The following CTDSPL variants were observed in gnomAD, a reference collection of about 807,000 sequenced individuals.
CTDSPL encodes the protein CTD small phosphatase like.
CTDSPL carries 8 observed loss-of-function variants against 30.5 expected under a neutral mutation model. The observed-to-expected ratio is 0.26, with a 90% CI of 0.15 to 0.47. The LOEUF (loss-of-function observed/expected upper bound fraction) is 0.47. Ranked by LOEUF, CTDSPL falls within the 20% of genes least tolerant of loss-of-function variation. The pLI is 0.99. For missense variants in CTDSPL, 248 were observed against 366.1 expected (o/e 0.68, Z 2.63); for synonymous variants, 110 against 137.9 (o/e 0.80, Z 1.42).
At chr3:37,950,737 G>A (rs1195922717) in intron 2 of CTDSPL, among the ~76,000 whole-genome samples, 2 of 152,294 alleles carry the variant, frequency 1.3e-5, no homozygotes, top group Non-Finnish European at 2.9e-5. Context: ...GTCGACAGCA[G>A]GATTAGTAGA....
chr3:37,875,676 C>A (rs763086985), intron 1 of CTDSPL, among the ~76,000 whole-genome samples: 2 of 152,206 alleles, frequency 1.3e-5, no homozygotes, highest in African/African-American at 2.4e-5. Flanking sequence ...ATCTGGCTCC[C>A]TTATGTACAA....
At chr3:37,934,192 T>C (rs1013071983) in intron 1 of CTDSPL, among the ~76,000 whole-genome samples, 1 of 152,070 alleles carries the variant, frequency 6.6e-6, no homozygotes, top group African/African-American at 2.4e-5. Flanking sequence ...CCAGGAACAG[T>C]GTCATATGCC....
intron 1 of CTDSPL, among the ~76,000 whole-genome samples, chr3:37,933,670 A>G (rs1419832352): frequency 6.6e-6 from 1 of 152,240 alleles, no homozygotes; most frequent in Non-Finnish European, 1.5e-5. Context: ...TTCTTCATCT[A>G]TAAAATGGAT....
intron 3 of CTDSPL, among the ~76,000 whole-genome samples, chr3:37,963,225 T>C (rs1313903904): frequency 6.6e-6 from 1 of 152,188 alleles, no homozygotes; most frequent in Non-Finnish European, 1.5e-5. Context: ...GAGTTAGAAA[T>C]GCTTATGTCT....
At chr3:37,895,021 A>G (rs370174698) in intron 1 of CTDSPL, among the ~76,000 whole-genome samples, 2 of 152,282 alleles carry the variant, frequency 1.3e-5, no homozygotes, top group East Asian at 1.9e-4. Context: ...TGCACCGTCT[A>G]GGTTATCTTG....
At chr3:37,890,708 C>T (rs1424230329) in intron 1 of CTDSPL, among the ~76,000 whole-genome samples, 2 of 152,164 alleles carry the variant, frequency 1.3e-5, no homozygotes, top group South Asian at 4.1e-4. Context: ...ATCCAGGCTC[C>T]GTGCTCTGAG....
At chr3:37,868,788 A>G (rs1439730792) in intron 1 of CTDSPL, among the ~76,000 whole-genome samples, 1 of 152,132 alleles carries the variant, frequency 6.6e-6, no homozygotes, top group African/African-American at 2.4e-5. Context: ...TGCCTATACT[A>G]TATAATCTTG....
Position 37,981,446 on chromosome 3 carries a change from C to T in CTDSPL, c.*579C>T, listed in dbSNP as rs1252795310. Reference sequence around the variant, plus strand: ...GAGGGAGGGGAGTGAGTCACAGGAGCCTGTCCCCCAACAGGTGTGACTGCT... The same window carrying T: ...GAGGGAGGGGAGTGAGTCACAGGAGTCTGTCCCCCAACAGGTGTGACTGCT... On this transcript the variant is annotated 3_prime_UTR_variant, in exon 8 of 8. Transcript: ENST00000273179. The T allele has an allele frequency of 2.2e-5, 4 of 179,946 alleles. No individual in the cohort carries two copies. In the East Asian group the frequency reaches 4.9e-4, roughly 22 times the overall value. The allele number at this position is 179,946 out of a possible 1,614,324, so 11.1% of individuals were successfully genotyped here.
intron 1 of CTDSPL, among the ~76,000 whole-genome samples, chr3:37,863,151 A>G (rs1440474021): frequency 6.6e-6 from 1 of 152,166 alleles, no homozygotes; most frequent in Non-Finnish European, 1.5e-5. Context: ...TCTCCGGGCC[A>G]CCAGCATGTT....
intron 1 of CTDSPL, among the ~76,000 whole-genome samples, chr3:37,863,482 C>T (rs1379604158): frequency 2.0e-5 from 3 of 152,228 alleles, no homozygotes; most frequent in African/African-American, 7.2e-5. Context: ...GTCAAGGAAT[C>T]TGGCTTCTTT....
chr3:37,887,434 T>C (rs1272211984), intron 1 of CTDSPL, among the ~76,000 whole-genome samples: 1 of 152,200 alleles, frequency 6.6e-6, no homozygotes, highest in Non-Finnish European at 1.5e-5. Flanking sequence ...AGGCAGTTTG[T>C]ATAGTGATGA....
In CTDSPL at chr3:37,910,515, A is replaced by G. The variant is rs10433545; in HGVS notation, c.80-36542A>G. Among the ~76,000 whole-genome samples the G allele has an allele frequency of 1.7e-3, 257 of 152,266 alleles. 5 individuals are homozygous for G. The East Asian group carries it at 0.046, about 27-fold the overall frequency. Reference sequence around the variant, plus strand: ...AACAACAAAAAAACAAAAAACAAAAAAAACCAGTCTGAATATTTTACTTGC... The same window carrying G: ...AACAACAAAAAAACAAAAAACAAAAGAAACCAGTCTGAATATTTTACTTGC... On this transcript the variant is annotated intron_variant, in intron 1 of 7. Coordinates refer to ENST00000273179, the MANE Select transcript of CTDSPL (RefSeq NM_001008392.2).
intron 1 of CTDSPL, among the ~76,000 whole-genome samples, chr3:37,892,557 T>A (rs908191738): frequency 1.3e-5 from 2 of 151,572 alleles, no homozygotes; most frequent in Non-Finnish European, 2.9e-5. Flanking sequence ...CTCTCATCAA[T>A]ATGACAAGTT....
intron 1 of CTDSPL, among the ~76,000 whole-genome samples, chr3:37,866,404 A>G (rs1351574554): frequency 6.6e-6 from 1 of 152,200 alleles, no homozygotes; most frequent in Non-Finnish European, 1.5e-5. Context: ...GCTGACAACA[A>G]ATATTCCTCT....
At position 37,969,260 on chromosome 3, in the gene CTDSPL, C is replaced by A. The variant is rs113735028; in HGVS notation, c.426+1378C>A. 5.3e-3 allele frequency: 2,279 copies of A among 432,674 alleles called. 29 individuals are homozygous for A. Among genetic ancestry groups the A allele is most frequent in the African/African-American group, 0.028 (1,369 of 49,252 alleles). The allele number at this position is 432,674 out of a possible 1,614,324, so 26.8% of individuals were successfully genotyped here. ...GCATGACTGGCCTGCCCACTGCTGA[C>A]CCATTCTTGCAGGAGCTCCCCCACC... On this transcript the variant is annotated intron_variant, in intron 5 of 7. Transcript: ENST00000273179.
intron 2 of CTDSPL, among the ~76,000 whole-genome samples, chr3:37,949,444 G>T (rs1197745159): frequency 6.6e-6 from 1 of 152,084 alleles, no homozygotes; most frequent in Admixed American, 6.5e-5. Flanking sequence ...AAAAACTATA[G>T]AATAAATATG....
intron 1 of CTDSPL, among the ~76,000 whole-genome samples, chr3:37,925,110 C>G (rs1458799395): frequency 6.6e-6 from 1 of 152,168 alleles, no homozygotes; most frequent in Non-Finnish European, 1.5e-5. Flanking sequence ...TTCCCTGTCC[C>G]CTCTGTCCAT....
intron 1 of CTDSPL, among the ~76,000 whole-genome samples, chr3:37,942,688 C>G (rs923035934): frequency 6.7e-6 from 1 of 150,220 alleles, no homozygotes; most frequent in African/African-American, 2.4e-5. Context: ...ATGCTAGGCA[C>G]TGTTATAAGA....
intron 1 of CTDSPL, among the ~76,000 whole-genome samples, chr3:37,929,496 A>C (rs1371578321): frequency 6.6e-6 from 1 of 151,454 alleles, no homozygotes; most frequent in Non-Finnish European, 1.5e-5. Flanking sequence ...CACATTTTTC[A>C]CCCCCTTAGT....
Sources: gnomAD v4.1 joint callset for allele counts (sites outside exome capture counted in the v4.1 genomes callset) on GRCh38, gnomAD v4.1.1 for gene constraint, MANE v1.5 for transcripts, NCBI Gene and HGNC (gene_info 2026-07-23, HGNC 2026-07-21) for gene names.